SPAG16: variants seen among roughly 807,000 people sequenced by gnomAD.
SPAG16 encodes the protein sperm associated antigen 16.
In SPAG16, 86 loss-of-function variants were observed where a neutral mutation model predicts 80.4. The observed-to-expected ratio is 1.07, with a 90% confidence interval of 0.90 to 1.28. The LOEUF (loss-of-function observed/expected upper bound fraction) is 1.28. Ranked by LOEUF, SPAG16 falls within the 50% of genes most tolerant of loss-of-function variation. The probability of loss-of-function intolerance (pLI) is 0.00; values close to 1 mark genes in which losing one functional copy is unlikely to be tolerated. For synonymous variants in SPAG16, 294 were observed against 265.9 expected, an observed-to-expected ratio of 1.11 and a Z score of -1.03; for missense variants, 870 against 765.3, an observed-to-expected ratio of 1.14 and a Z score of -1.61.
intron 9 of SPAG16, among the ~76,000 whole-genome samples, chr2:213,406,492 A>G (rs751502296): frequency 2.6e-5 from 4 of 152,224 alleles, no homozygotes; most frequent in Admixed American, 1.3e-4. Flanking sequence ...TGTAATTTTT[A>G]TTTATGTGAT....
At chr2:213,773,908 T>G (rs536435661) in intron 10 of SPAG16, among the ~76,000 whole-genome samples, 1 of 152,302 alleles carries the variant, frequency 6.6e-6, no homozygotes, top group East Asian at 1.9e-4. Context: ...TATCTGGTCC[T>G]CAAATAATCC....
intron 13 of SPAG16, among the ~76,000 whole-genome samples, chr2:214,045,002 G>C (rs1427750309): frequency 6.6e-6 from 1 of 152,172 alleles, no homozygotes; most frequent in Non-Finnish European, 1.5e-5. Flanking sequence ...CTAGTGCTGA[G>C]CTGGGCTCAG....
intron 10 of SPAG16, among the ~76,000 whole-genome samples, chr2:213,573,356 G>A (rs73988551): frequency 0.14 from 20,612 of 152,094 alleles, 2,930 homozygotes; most frequent in African/African-American, 0.36. Context: ...TTATTTCTCT[G>A]TGATAATTTT....
At chr2:213,994,287 A>C (rs2046414324) in intron 12 of SPAG16, among the ~76,000 whole-genome samples, 2 of 152,186 alleles carry the variant, frequency 1.3e-5, no homozygotes, top group African/African-American at 4.8e-5. Context: ...CGAGGGACAC[A>C]TGCCAGGTGA....
At chr2:214,064,078 G>A (rs2050414408) in intron 13 of SPAG16, among the ~76,000 whole-genome samples, 1 of 151,994 alleles carries the variant, frequency 6.6e-6, no homozygotes, top group African/African-American at 2.4e-5. Context: ...TTTTGGCAAA[G>A]AACAAAATAG....
intron 14 of SPAG16, among the ~76,000 whole-genome samples, chr2:214,135,864 T>G (rs866807522): frequency 6.6e-6 from 1 of 152,124 alleles, no homozygotes; most frequent in African/African-American, 2.4e-5. Context: ...GGCGCCATGC[T>G]TCTATAGTCT....
intron 10 of SPAG16, among the ~76,000 whole-genome samples, chr2:213,685,671 G>C (rs2064630833): frequency 6.6e-6 from 1 of 152,218 alleles, no homozygotes; most frequent in African/African-American, 2.4e-5. Flanking sequence ...GCAGGGACAA[G>C]ACAATAGGTC....
chr2:214,106,592 T>C (rs2053395771), intron 13 of SPAG16, among the ~76,000 whole-genome samples: 1 of 152,138 alleles, frequency 6.6e-6, no homozygotes, highest in Admixed American at 6.6e-5. Context: ...ATTAGTTTAG[T>C]TATAAAGCCT....
chr2:213,795,957 A>G (rs2071001077), intron 10 of SPAG16, among the ~76,000 whole-genome samples: 1 of 152,162 alleles, frequency 6.6e-6, no homozygotes, highest in Non-Finnish European at 1.5e-5. Flanking sequence ...GTTTCTTTAT[A>G]GCAGTGAAAG....
At chr2:213,646,578 T>C (rs2125132022) in intron 10 of SPAG16, among the ~76,000 whole-genome samples, 1 of 152,280 alleles carries the variant, frequency 6.6e-6, no homozygotes, top group Admixed American at 6.5e-5. Flanking sequence ...CTCTTTTAAA[T>C]TCATTTGATT....
intron 15 of SPAG16, among the ~76,000 whole-genome samples, chr2:214,297,711 A>G (rs1019574973): frequency 1.3e-5 from 2 of 151,814 alleles, no homozygotes. Context: ...TTATTTTTGT[A>G]TCAGAACCAT....
At chr2:214,185,794 G>A (rs937881924) in intron 15 of SPAG16, among the ~76,000 whole-genome samples, 1 of 152,108 alleles carries the variant, frequency 6.6e-6, no homozygotes, top group African/African-American at 2.4e-5. Flanking sequence ...CCAGAGAGCA[G>A]AGGGACCTGA....
chr2:214,109,545 T>C (rs542836912), intron 14 of SPAG16, among the ~76,000 whole-genome samples: 13 of 152,328 alleles, frequency 8.5e-5, no homozygotes, highest in African/African-American at 2.6e-4. Flanking sequence ...GTTACCATCC[T>C]GCTAGTATCA....
chr2:213,765,563 C>G (rs932437426), intron 10 of SPAG16, among the ~76,000 whole-genome samples: 2 of 151,846 alleles, frequency 1.3e-5, no homozygotes, highest in Admixed American at 6.6e-5. Flanking sequence ...TGCATTCTTA[C>G]ATTCCTTACA....
intron 12 of SPAG16, among the ~76,000 whole-genome samples, chr2:213,995,101 C>T (rs2046456834): frequency 6.6e-6 from 1 of 152,164 alleles, no homozygotes; most frequent in African/African-American, 2.4e-5. Flanking sequence ...CTCATGCGTC[C>T]TCCTCATTTC....
At position 213,607,641 on chromosome 2, in the gene SPAG16, C is replaced by T. The variant is rs554206364; in HGVS notation, c.1070+117551C>T. On this transcript the variant is annotated intron_variant, in intron 10 of 15. Transcript: ENST00000331683. The stretch of plus-strand genomic sequence containing the variant: ...TTGAGGACAAGGCTTAGATGCACAC[C>T]GGAATCTACTGATTCAAAACCCATA... Among the ~76,000 whole-genome samples, 22 of 152,270 alleles carry T rather than the reference C, an allele frequency of 1.4e-4. 1 individual carries two copies. In the South Asian group the frequency reaches 3.3e-3, roughly 23 times the overall value.
intron 15 of SPAG16, among the ~76,000 whole-genome samples, chr2:214,268,412 G>A (rs1224132437): frequency 3.3e-5 from 5 of 151,848 alleles, no homozygotes; most frequent in Non-Finnish European, 7.4e-5. Context: ...GTGTCCATCA[G>A]TGCATGAATG....
intron 3 of SPAG16, among the ~76,000 whole-genome samples, chr2:213,307,689 T>G (rs891273029): frequency 6.6e-6 from 1 of 152,066 alleles, no homozygotes; most frequent in African/African-American, 2.4e-5. Flanking sequence ...ATAGTCCTTT[T>G]GGTATATACC....
chr2:213,490,185 C>T, intron 10 of SPAG16, 95 bp downstream of exon 10: 1 of 1,215,754 alleles, frequency 8.2e-7, no homozygotes, highest in Non-Finnish European at 1.1e-6. Context: ...AAATGGTTTG[C>T]TTTTAGCCTT....
Sources: allele counts gnomAD v4.1 joint callset (sites outside exome capture counted in the v4.1 genomes callset), GRCh38; gene constraint gnomAD v4.1.1; transcripts MANE v1.5; gene names NCBI Gene and HGNC (gene_info 2026-07-23, HGNC 2026-07-21).